The following ABCA13 variants were observed in gnomAD, a reference collection of about 807,000 sequenced individuals.
The protein encoded by ABCA13 is ATP binding cassette subfamily A member 13.
Under a neutral mutation model 478.7 loss-of-function variants are expected in ABCA13, and 476 were observed. The observed-to-expected ratio is 0.99, with a 90% CI of 0.92 to 1.07. The LOEUF (loss-of-function observed/expected upper bound fraction) is 1.07, where lower values mean the gene tolerates loss of function less well. ABCA13 is among the 50% of genes least tolerant of loss of function. The pLI is 0.00. For missense variants in ABCA13, 6,060 were observed against 5,910.6 expected (o/e 1.03, Z -0.83); for synonymous variants, 2,252 against 2,158.9 (o/e 1.04, Z -1.20).
chr7:48,297,385 T>C, intron 22 of ABCA13, 74 bp downstream of exon 22: 1 of 1,365,934 alleles, frequency 7.3e-7, no homozygotes. Context: ...ATTATTAAAA[T>C]AAAACATACA....
intron 53 of ABCA13, among the ~76,000 whole-genome samples, chr7:48,522,610 G>A (rs1832629520): frequency 6.6e-6 from 1 of 152,170 alleles, no homozygotes; most frequent in East Asian, 1.9e-4. Flanking sequence ...ATAACTAAGT[G>A]GCACATTTCT....
chr7:48,452,513 A>G (rs74316519), intron 42 of ABCA13, among the ~76,000 whole-genome samples: 1,673 of 152,338 alleles, frequency 0.011, 35 homozygotes, highest in African/African-American at 0.038. Flanking sequence ...CTAAGTAGAT[A>G]TCCAATACTT....
chr7:48,185,217 C>T (rs556030414), intron 1 of ABCA13, among the ~76,000 whole-genome samples: 1 of 152,316 alleles, frequency 6.6e-6, no homozygotes, highest in Admixed American at 6.5e-5. Flanking sequence ...CTTTCTCATA[C>T]ATCAAGTCTC....
At chr7:48,631,386 C>G (rs957585611) in intron 59 of ABCA13, among the ~76,000 whole-genome samples, 5 of 152,024 alleles carry the variant, frequency 3.3e-5, no homozygotes, top group African/African-American at 1.2e-4. Context: ...GCCTCTTATC[C>G]CAGCACTATT....
At chr7:48,529,999 T>G (rs558226920) in intron 55 of ABCA13, among the ~76,000 whole-genome samples, 2 of 152,220 alleles carry the variant, frequency 1.3e-5, no homozygotes, top group African/African-American at 4.8e-5. Flanking sequence ...ATTTCTGAGA[T>G]TTTGGTGCAC....
intron 33 of ABCA13, among the ~76,000 whole-genome samples, chr7:48,373,272 G>A (rs1812942871): frequency 6.6e-6 from 1 of 152,164 alleles, no homozygotes; most frequent in African/African-American, 2.4e-5. Context: ...CTGCTCAGGG[G>A]TATTTAAAGG....
intron 31 of ABCA13, among the ~76,000 whole-genome samples, chr7:48,358,201 A>AGGACAGGACAGGAC (rs1563114804): frequency 1.7e-5 from 2 of 117,598 alleles, no homozygotes; most frequent in African/African-American, 7.1e-5. Context: ...CAGGACAGGA[A>AGGACAGGACAGGAC]AGGAAAGGAA....
chr7:48,484,446 T>C (rs1829089617), intron 47 of ABCA13, among the ~76,000 whole-genome samples: 1 of 152,242 alleles, frequency 6.6e-6, no homozygotes, highest in Non-Finnish European at 1.5e-5. Flanking sequence ...GAATACATTA[T>C]GTGGCCATTA....
At chr7:48,440,983 T>C (rs1471096346) in intron 42 of ABCA13, among the ~76,000 whole-genome samples, 2 of 152,164 alleles carry the variant, frequency 1.3e-5, no homozygotes, top group Non-Finnish European at 2.9e-5. Context: ...AAATTATAAA[T>C]CTGGGAACTG....
chr7:48,297,932 G>C (rs1799619436), intron 22 of ABCA13, among the ~76,000 whole-genome samples: 1 of 145,100 alleles, frequency 6.9e-6, no homozygotes, highest in African/African-American at 2.6e-5. Context: ...GTGCCACCAT[G>C]CCCGGCTATT....
chr7:48,345,949 CTATGTTTAGA>C (rs1563092045), intron 29 of ABCA13, among the ~76,000 whole-genome samples: 2 of 152,158 alleles, frequency 1.3e-5, no homozygotes, highest in Non-Finnish European at 2.9e-5. Context: ...TATACCTTTT[CTATGTTTAGA>C]TATGTTTAGA....
At chr7:48,281,028 T>C (rs1796956525) in intron 18 of ABCA13, among the ~76,000 whole-genome samples, 1 of 152,244 alleles carries the variant, frequency 6.6e-6, no homozygotes, top group Non-Finnish European at 1.5e-5. Context: ...TAGCTCTTCA[T>C]ACCATCATGT....
intron 31 of ABCA13, among the ~76,000 whole-genome samples, chr7:48,366,168 A>T (rs934614309): frequency 3.9e-5 from 6 of 152,148 alleles, no homozygotes; most frequent in Admixed American, 1.3e-4. Context: ...AAAGTCTTTC[A>T]TCAAAGAAAA....
intron 51 of ABCA13, among the ~76,000 whole-genome samples, chr7:48,513,541 T>C (rs984844833): frequency 1.1e-4 from 17 of 152,168 alleles, no homozygotes; most frequent in African/African-American, 3.6e-4. Flanking sequence ...AAGATGAGAT[T>C]GCAGAATCCT....
At chr7:48,620,414 G>A (rs184989160) in intron 59 of ABCA13, among the ~76,000 whole-genome samples, 2 of 152,258 alleles carry the variant, frequency 1.3e-5, no homozygotes, top group African/African-American at 2.4e-5. Context: ...TCTTAACTTC[G>A]TTTCTGCAGC....
chr7:48,231,155 C>T (rs373567842), intron 7 of ABCA13, among the ~76,000 whole-genome samples: 72 of 150,400 alleles, frequency 4.8e-4, no homozygotes, highest in African/African-American at 8.8e-4. Flanking sequence ...ACTTGTATCC[C>T]GGAACTTAAA....
chr7:48,179,411 G>A (rs1279588373), intron 1 of ABCA13, among the ~76,000 whole-genome samples: 1 of 152,150 alleles, frequency 6.6e-6, no homozygotes, highest in Admixed American at 6.5e-5. Flanking sequence ...TTCCTGTCGG[G>A]GATGTTTTCC....
chr7:48,588,247 T>G (rs778621145), intron 57 of ABCA13, among the ~76,000 whole-genome samples: 1 of 152,238 alleles, frequency 6.6e-6, no homozygotes, highest in South Asian at 2.1e-4. Context: ...TAGTTTCATA[T>G]TCCAGAATCT....
chr7:48,296,567 C>G (rs1254525009), intron 21 of ABCA13, among the ~76,000 whole-genome samples: 2 of 151,574 alleles, frequency 1.3e-5, no homozygotes, highest in Non-Finnish European at 2.9e-5. Flanking sequence ...TCACGCCATT[C>G]TCCCTCCTCA....
Sources: gnomAD v4.1 joint callset for allele counts (sites outside exome capture counted in the v4.1 genomes callset) on GRCh38, gnomAD v4.1.1 for gene constraint, MANE v1.5 for transcripts, NCBI Gene and HGNC (gene_info 2026-07-23, HGNC 2026-07-21) for gene names.